BBX: variants seen among roughly 807,000 people sequenced by gnomAD.
BBX encodes HMG box transcription factor BBX.
Under a neutral mutation model 100.2 loss-of-function variants are expected in BBX, and 30 were observed. That is an observed-to-expected ratio of 0.30 (90% CI 0.22 to 0.41). BBX has a LOEUF of 0.41. Ranked by LOEUF, BBX falls within the 10% of genes least tolerant of loss-of-function variation. The probability of loss-of-function intolerance (pLI) is 1.00; values close to 1 mark genes in which losing one functional copy is unlikely to be tolerated. For synonymous variants in BBX, 376 were observed against 388.1 expected (o/e 0.97, Z 0.37); for missense variants, 1,023 against 1,129.8 (o/e 0.91, Z 1.35).
chr3:107,584,854 G>A (rs1381737818), intron 2 of BBX, among the ~76,000 whole-genome samples: 1 of 151,656 alleles, frequency 6.6e-6, no homozygotes, highest in African/African-American at 2.4e-5. Flanking sequence ...ACCACACCCA[G>A]TGGTTTTAAT....
chr3:107,560,496 C>T (rs2050409331), intron 2 of BBX, among the ~76,000 whole-genome samples: 1 of 152,060 alleles, frequency 6.6e-6, no homozygotes, highest in Admixed American at 6.5e-5. Flanking sequence ...GTTGTATTTC[C>T]AGTTGTTTCA....
chr3:107,524,502 G>A (rs1397657915), intron 1 of BBX: 1 of 150,238 alleles, frequency 6.7e-6, no homozygotes, highest in African/African-American at 2.5e-5. Flanking sequence ...CAAGGACCCT[G>A]AATCCCAGAA....
At chr3:107,717,567 A>G (rs2062194625) in intron 5 of BBX, among the ~76,000 whole-genome samples, 1 of 152,184 alleles carries the variant, frequency 6.6e-6, no homozygotes, top group Non-Finnish European at 1.5e-5. Flanking sequence ...CCAGTGGAAC[A>G]GGATGTACTG....
At chr3:107,524,730 A>G (rs1015905282) in intron 1 of BBX, among the ~76,000 whole-genome samples, 4 of 140,056 alleles carry the variant, frequency 2.9e-5, no homozygotes, top group Non-Finnish European at 6.1e-5. Flanking sequence ...GGTCTAGTCA[A>G]TATTTTAACT....
chr3:107,773,953 G>T lies in BBX; in HGVS notation c.1915+317G>T, dbSNP rs2067115200. On this transcript the variant is annotated intron_variant, in intron 11 of 17. Transcript: ENST00000325805. The surrounding 1 kb of genome is among the most constrained non-coding windows in gnomAD (Gnocchi z 4.1). ...TTATTATTAAATATTCAGAGCTTTA[G>T]GTTTGGTTTTGAAAACTGGTGGAAT... Among the ~76,000 whole-genome samples, 3 of 152,128 alleles carry T rather than the reference G, an allele frequency of 2.0e-5. No individual in the cohort carries two copies.
intron 1 of BBX, among the ~76,000 whole-genome samples, chr3:107,526,057 T>C (rs2107277899): frequency 6.6e-6 from 1 of 152,282 alleles, no homozygotes; most frequent in African/African-American, 2.4e-5. Context: ...GCTTTGTACA[T>C]GTGGGGAGTA....
intron 3 of BBX, among the ~76,000 whole-genome samples, chr3:107,672,301 T>C (rs573176750): frequency 1.9e-4 from 29 of 152,136 alleles, no homozygotes; most frequent in South Asian, 1.4e-3. Flanking sequence ...AAAGTACGTA[T>C]TGAGAGGATT....
intron 3 of BBX, among the ~76,000 whole-genome samples, chr3:107,655,933 C>T (rs2058112691): frequency 6.6e-6 from 1 of 152,080 alleles, no homozygotes; most frequent in South Asian, 2.1e-4. Flanking sequence ...ATCTCCTGAC[C>T]TCGTGATCCG....
At position 107,527,797 on chromosome 3, in the gene BBX, G is replaced by A. The variant is rs557668851; in HGVS notation, c.-84+1399G>A. On this transcript the variant is annotated intron_variant, in intron 2 of 17. Transcript: ENST00000325805. ...GAATTTAGTGCACACTAAAATACATGGATTTCATTGTCTTTGAGTTTTTTT... is the reference window on the plus strand; with the variant it reads ...GAATTTAGTGCACACTAAAATACATAGATTTCATTGTCTTTGAGTTTTTTT... 7.2e-4 allele frequency among the ~76,000 whole-genome samples: 110 copies of A among 152,154 alleles called. 1 individual carries two copies. Among genetic ancestry groups the A allele is most frequent in the Non-Finnish European group, 1.3e-3 (90 of 68,008 alleles).
chr3:107,716,750 C>T lies in BBX; in HGVS notation c.306C>T (p.His102=), dbSNP rs376419281. 11 of 1,613,682 alleles carry T rather than the reference C, an allele frequency of 6.8e-6. No homozygotes were observed. The African/African-American group carries it at 1.5e-4, about 22-fold the overall frequency. ...ATCGCTCTCTTGTACGTCAGGAACA[C>T]CCCAGGCTTGATAACCGAGGTGCTA... is the stretch of plus-strand genomic sequence containing the variant. ...KRHRSLVRQE[H]PRLDNRGATK... Residue 102 remains histidine, a synonymous_variant, in exon 5 of 18, where the codon CAC becomes CAT. Coordinates refer to ENST00000325805, the MANE Select transcript of BBX (RefSeq NM_001142568.3).
At chr3:107,524,579 C>A (rs1207341207) in intron 1 of BBX, 6 of 118,624 alleles carry the variant, frequency 5.1e-5, no homozygotes, top group Non-Finnish European at 9.7e-5. Flanking sequence ...TAAAACGAAA[C>A]GATGCAAAAA....
chr3:107,769,222 A>G (rs1051109830), intron 10 of BBX, among the ~76,000 whole-genome samples: 5 of 139,422 alleles, frequency 3.6e-5, no homozygotes, highest in South Asian at 2.3e-4. Context: ...AGATAGATAG[A>G]TAGATAGACA....
intron 3 of BBX, among the ~76,000 whole-genome samples, chr3:107,649,218 C>A (rs974766145): frequency 6.6e-5 from 10 of 152,124 alleles, no homozygotes; most frequent in Non-Finnish European, 1.5e-4. Context: ...CCACCAGGTC[C>A]GTCTCATGAC....
chr3:107,615,293 C>T (rs566336597), intron 2 of BBX, among the ~76,000 whole-genome samples: 131 of 152,256 alleles, frequency 8.6e-4, no homozygotes, highest in Non-Finnish European at 1.5e-3. Context: ...CATCTGGGTG[C>T]ATTGGATGGT....
At chr3:107,562,906 A>G (rs927716524) in intron 2 of BBX, among the ~76,000 whole-genome samples, 1 of 152,250 alleles carries the variant, frequency 6.6e-6, no homozygotes, top group African/African-American at 2.4e-5. Context: ...TTACCAAATG[A>G]ACTGCAGAGT....
At chr3:107,593,291 G>C (rs1318047717) in intron 2 of BBX, among the ~76,000 whole-genome samples, 1 of 152,192 alleles carries the variant, frequency 6.6e-6, no homozygotes, top group East Asian at 1.9e-4. Flanking sequence ...AACACTGGCT[G>C]TTTGTTCACC....
intron 2 of BBX, among the ~76,000 whole-genome samples, chr3:107,608,385 A>G (rs1228672763): frequency 2.0e-5 from 3 of 151,980 alleles, no homozygotes; most frequent in African/African-American, 7.2e-5. Context: ...CCATAGATGT[A>G]TGGATTTGTT....
At chr3:107,635,010 A>G (rs1179607408) in intron 2 of BBX, among the ~76,000 whole-genome samples, 3 of 152,224 alleles carry the variant, frequency 2.0e-5, no homozygotes, top group Non-Finnish European at 2.9e-5. Context: ...CTTTTATGAA[A>G]GAGACCTGGG....
intron 13 of BBX, among the ~76,000 whole-genome samples, chr3:107,780,534 C>G (rs1164244812): frequency 6.6e-6 from 1 of 152,028 alleles, no homozygotes; most frequent in Non-Finnish European, 1.5e-5. Flanking sequence ...ATCATCTTAA[C>G]TCTTCCATTA....
Sources: allele counts gnomAD v4.1 joint callset (sites outside exome capture counted in the v4.1 genomes callset), GRCh38; gene constraint gnomAD v4.1.1; non-coding constraint Gnocchi (gnomAD v3.1); transcripts MANE v1.5; gene names NCBI Gene and HGNC (gene_info 2026-07-23, HGNC 2026-07-21).